RCOR1: variants seen among roughly 807,000 people sequenced by gnomAD.
RCOR1 encodes the protein REST corepressor.
Under a neutral mutation model 64.0 loss-of-function variants are expected in RCOR1, and 12 were observed. The ratio of observed to expected loss-of-function variants is 0.19; its 90% confidence interval spans 0.12 to 0.30. RCOR1 has a LOEUF of 0.30. Among genes scored for constraint, RCOR1 ranks in the 10% least tolerant of loss-of-function variants. RCOR1 has a pLI of 1.00. For missense variants in RCOR1, 502 were observed against 621.2 expected, an observed-to-expected ratio of 0.81 and a Z score of 2.04; for synonymous variants, 279 against 227.2, an observed-to-expected ratio of 1.23 and a Z score of -2.05.
At chr14:102,725,632 C>T (rs1180697894) in intron 11 of RCOR1, among the ~76,000 whole-genome samples, 4 of 152,072 alleles carry the variant, frequency 2.6e-5, no homozygotes, top group Admixed American at 2.6e-4. Context: ...AAGTGGAGTG[C>T]AGTGGTACGA....
intron 3 of RCOR1, among the ~76,000 whole-genome samples, chr14:102,697,136 A>T (rs554710998): frequency 1.7e-4 from 26 of 152,354 alleles, no homozygotes; most frequent in African/African-American, 6.3e-4. Context: ...GCTTGTGCAG[A>T]TGGCTATATT....
chr14:102,675,613 T>A (rs1895129326), intron 2 of RCOR1, among the ~76,000 whole-genome samples: 1 of 152,200 alleles, frequency 6.6e-6, no homozygotes, highest in South Asian at 2.1e-4. Context: ...CAGGTACTAT[T>A]CCTGGAATTT....
intron 2 of RCOR1, chr14:102,657,098 CT>C (rs75384883): frequency 0.022 from 13,858 of 631,070 alleles, 5 homozygotes; most frequent in Non-Finnish European, 0.024. Flanking sequence ...AAAGCCTAAT[CT>C]TTTTTTTTTT....
chr14:102,692,394 G>A (rs1257100510), intron 3 of RCOR1, among the ~76,000 whole-genome samples: 1 of 149,886 alleles, frequency 6.7e-6, no homozygotes, highest in Non-Finnish European at 1.5e-5. Context: ...AAGAGTACTG[G>A]GTCATAATAT....
At chr14:102,594,149 A>C (rs1004172404) in intron 2 of RCOR1, among the ~76,000 whole-genome samples, 4 of 152,220 alleles carry the variant, frequency 2.6e-5, no homozygotes, top group African/African-American at 9.6e-5. Flanking sequence ...GGAATTCGTC[A>C]GATTTTAATG....
intron 2 of RCOR1, among the ~76,000 whole-genome samples, chr14:102,615,741 G>T (rs529278590): frequency 6.6e-6 from 1 of 152,104 alleles, no homozygotes; most frequent in African/African-American, 2.4e-5. Flanking sequence ...GAGCCACCAC[G>T]CCTGGCCATT....
chr14:102,693,963 T>C (rs1014597516), intron 3 of RCOR1, among the ~76,000 whole-genome samples: 4 of 152,174 alleles, frequency 2.6e-5, no homozygotes, highest in African/African-American at 7.2e-5. Flanking sequence ...AGTGCTGGGA[T>C]TACAGGCTAT....
chr14:102,705,031 T>C (rs1350365003), intron 4 of RCOR1, among the ~76,000 whole-genome samples: 1 of 151,664 alleles, frequency 6.6e-6, no homozygotes, highest in Non-Finnish European at 1.5e-5. Context: ...GAGGTTGAGG[T>C]GGGAGGATCG....
At chr14:102,704,679 G>A (rs749141742) in intron 4 of RCOR1, among the ~76,000 whole-genome samples, 3 of 152,236 alleles carry the variant, frequency 2.0e-5, no homozygotes, top group Non-Finnish European at 2.9e-5. Context: ...ATCCACTCAC[G>A]TCGGCCTTCC....
chr14:102,672,860 A>G (rs1895057090), intron 2 of RCOR1, among the ~76,000 whole-genome samples: 2 of 152,356 alleles, frequency 1.3e-5, no homozygotes, highest in East Asian at 1.9e-4. Context: ...AAAATATAGC[A>G]TTATAGAGTG....
intron 2 of RCOR1, among the ~76,000 whole-genome samples, chr14:102,600,089 A>AT (rs1555460992): frequency 6.6e-6 from 1 of 150,928 alleles, no homozygotes; most frequent in Non-Finnish European, 1.5e-5. Context: ...TATTATTATT[A>AT]TTTTTTTGAG....
chr14:102,602,224 C>T (rs1237983742), intron 2 of RCOR1, among the ~76,000 whole-genome samples: 1 of 151,784 alleles, frequency 6.6e-6, no homozygotes, highest in Admixed American at 6.6e-5. Context: ...ATGGAATAAT[C>T]TATGCTATTC....
At chr14:102,609,868 A>G (rs1397830798) in intron 2 of RCOR1, among the ~76,000 whole-genome samples, 1 of 150,742 alleles carries the variant, frequency 6.6e-6, no homozygotes, top group Non-Finnish European at 1.5e-5. Context: ...GGCCGGGTGC[A>G]GTGGCTCACC....
intron 2 of RCOR1, among the ~76,000 whole-genome samples, chr14:102,603,078 CT>C (rs1225307658): frequency 1.3e-5 from 2 of 150,696 alleles, no homozygotes; most frequent in African/African-American, 2.4e-5. Context: ...TTTTTAAGAC[CT>C]TTTTTTTCCC....
chr14:102,654,787 T>G (rs1036171648), intron 2 of RCOR1, among the ~76,000 whole-genome samples: 1 of 53,266 alleles, frequency 1.9e-5, no homozygotes, highest in Non-Finnish European at 3.4e-5. Flanking sequence ...TGTGGTTGAG[T>G]TTTTTTTTTT....
intron 7 of RCOR1, among the ~76,000 whole-genome samples, chr14:102,712,165 C>G (rs1452845601): frequency 6.6e-6 from 1 of 151,950 alleles, no homozygotes; most frequent in Non-Finnish European, 1.5e-5. Flanking sequence ...TGAGCCACCT[C>G]CAGCCCTTGA....
Position 102,710,991 on chromosome 14 carries a change from A to C in RCOR1, c.836A>C (p.Gln279Pro). ...GNNPIDIEVD[Q>P]NKESKKEVPP... Reference sequence around the variant, plus strand: ...AATCCCATTGACATTGAGGTTGATCAAAACAAGGAAAGCAAAAAGGAGGTA... The same window carrying C: ...AATCCCATTGACATTGAGGTTGATCCAAACAAGGAAAGCAAAAAGGAGGTA... The change falls in exon 7 of 12, where the codon CAA becomes CCA. Residue 279 changes from glutamine (Q) to proline (P), a missense_variant. By Grantham distance (76) the Gln-to-Pro change is moderately conservative. This residue lies in a region of RCOR1 where 260 missense variants were observed against 416.4 expected (regional missense o/e 0.62). Transcript: ENST00000262241. 4 of 1,606,716 alleles carry C rather than the reference A, an allele frequency of 2.5e-6. No individual in the cohort carries two copies. Among genetic ancestry groups the C allele is most frequent in the Non-Finnish European group, 3.4e-6 (4 of 1,178,228 alleles).
At chr14:102,725,339 G>A (rs1896238134) in intron 11 of RCOR1, among the ~76,000 whole-genome samples, 2 of 152,234 alleles carry the variant, frequency 1.3e-5, no homozygotes, top group Admixed American at 1.3e-4. Context: ...GCAGAGAGCA[G>A]TAAGACGCTA....
chr14:102,685,903 G>A (rs1895408209), intron 3 of RCOR1, among the ~76,000 whole-genome samples: 1 of 151,976 alleles, frequency 6.6e-6, no homozygotes, highest in Admixed American at 6.6e-5. Context: ...ACCAGCCTGG[G>A]CAACATAGAT....
Sources: allele counts gnomAD v4.1 joint callset (sites outside exome capture counted in the v4.1 genomes callset), GRCh38; gene constraint gnomAD v4.1.1; regional missense constraint gnomAD v4.1.1; transcripts MANE v1.5; gene names NCBI Gene and HGNC (gene_info 2026-07-23, HGNC 2026-07-21).